ANKRD30A: variants seen among roughly 807,000 people sequenced by gnomAD.
ANKRD30A encodes the protein ankyrin repeat domain 30A, also known as ankyrin repeat domain-containing protein 30A.
In ANKRD30A, 170 loss-of-function variants were observed where a neutral mutation model predicts 166.3. The observed-to-expected ratio is 1.02, with a 90% confidence interval of 0.90 to 1.16. The LOEUF is 1.16. Among genes scored for constraint, ANKRD30A ranks in the 50% most tolerant of loss-of-function variants. The pLI, the probability that ANKRD30A is intolerant of heterozygous loss-of-function variation, is 0.00. For synonymous variants in ANKRD30A, 564 were observed against 508.9 expected, an observed-to-expected ratio of 1.11 and a Z score of -1.46; for missense variants, 1,630 against 1,518.0, an observed-to-expected ratio of 1.07 and a Z score of -1.23.
intron 19 of ANKRD30A, among the ~76,000 whole-genome samples, chr10:37,168,097 T>G (rs1426577222): frequency 9.6e-5 from 1 of 10,464 alleles, no homozygotes; most frequent in Non-Finnish European, 1.9e-4. Flanking sequence ...ATATAAATGG[T>G]TGTACAATGT....
chr10:37,195,750 C>T (rs757075097), intron 27 of ANKRD30A, among the ~76,000 whole-genome samples: 11 of 152,058 alleles, frequency 7.2e-5, no homozygotes, highest in Non-Finnish European at 1.0e-4. Flanking sequence ...AAAAATTAGC[C>T]GGACGTGGTG....
intron 34 of ANKRD30A, among the ~76,000 whole-genome samples, chr10:37,228,084 A>G (rs999978825): frequency 9.2e-5 from 14 of 152,112 alleles, no homozygotes; most frequent in South Asian, 2.1e-4. Flanking sequence ...ATGCACAGCT[A>G]TATTTTATAG....
downstream of ANKRD30A, among the ~76,000 whole-genome samples, chr10:37,237,098 C>G (rs1843701761): frequency 6.6e-6 from 1 of 152,170 alleles, no homozygotes; most frequent in African/African-American, 2.4e-5. Context: ...GACAGTTTTA[C>G]CATATGCATG....
At chr10:37,160,794 G>A (rs1838788679) in intron 15 of ANKRD30A, among the ~76,000 whole-genome samples, 1 of 152,078 alleles carries the variant, frequency 6.6e-6, no homozygotes, top group African/African-American at 2.4e-5. Flanking sequence ...CATATAAATT[G>A]TGAAAATTCT....
In ANKRD30A at chr10:37,193,255, G is replaced by A. The variant is rs1204035274; in HGVS notation, c.2611G>A (p.Ala871Thr). ...ATTGATGGACATGCAAACTTTCAAA[G>A]CAGGTAAATTTTGTAATTTTAATTT... The part of the protein sequence containing the change: ...LELMDMQTFK[A>T]EPPEKPSAFE... The change falls in exon 27 of 36, where the codon GCA becomes ACA. Residue 871 changes from alanine (A) to threonine (T), a missense_variant. Ala to Thr is a moderately conservative substitution (Grantham distance 58). Coordinates refer to ENST00000361713, the MANE Select transcript of ANKRD30A (RefSeq NM_052997.3). 8.5e-6 allele frequency: 13 copies of A among 1,534,692 alleles called. No individual in the cohort carries two copies. The South Asian group carries it at 1.1e-4, about 13-fold the overall frequency.
In ANKRD30A at chr10:37,132,319, A is replaced by T. The variant is rs1474930280; in HGVS notation, c.590A>T (p.Asn197Ile). The T allele has an allele frequency of 1.9e-6, 3 of 1,601,902 alleles. No individual in the cohort carries two copies. Among genetic ancestry groups the T allele is most frequent in the Non-Finnish European group, 2.6e-6 (3 of 1,173,606 alleles). Reference protein sequence around the residue: ...IVEFLLIKNANANAVNKYKCT... With the variant: ...IVEFLLIKNAIANAVNKYKCT... Reference sequence around the variant, plus strand: ...GAATTTTTGCTGATAAAAAATGCAAATGCGAATGCAGTTAATAAGTATAAA... The same window carrying T: ...GAATTTTTGCTGATAAAAAATGCAATTGCGAATGCAGTTAATAAGTATAAA... The change falls in exon 4 of 36, where the codon AAT becomes ATT. Residue 197 changes from asparagine (N) to isoleucine (I), a missense_variant. This residue lies in a region of ANKRD30A where 904 missense variants were observed against 818.5 expected (regional missense o/e 1.10). Transcript: ENST00000361713.
downstream of ANKRD30A, chr10:37,232,707 G>GAGAGAGAGAGAGAGAGAGAC (rs1843495081): frequency 1.2e-5 from 1 of 86,468 alleles, no homozygotes; most frequent in African/African-American, 4.0e-5. Flanking sequence ...TAGAGAGAGA[G>GAGAGAGAGAGAGAGAGAGAC]AGAGAGAGAG....
the ANKRD30A span, among the ~76,000 whole-genome samples, chr10:37,252,607 A>G: frequency 6.6e-6 from 1 of 151,496 alleles, no homozygotes; most frequent in Admixed American, 6.6e-5. Context: ...TTTCCTCTGA[A>G]GTTATCTTTT....
At chr10:37,166,050 C>A (rs910703132) in intron 18 of ANKRD30A, among the ~76,000 whole-genome samples, 1 of 152,074 alleles carries the variant, frequency 6.6e-6, no homozygotes, top group Non-Finnish European at 1.5e-5. Flanking sequence ...AAAATTTTGT[C>A]AGAAACATGT....
intron 27 of ANKRD30A, among the ~76,000 whole-genome samples, chr10:37,195,751 G>C (rs1024916311): frequency 6.6e-6 from 1 of 152,060 alleles, no homozygotes; most frequent in Admixed American, 6.6e-5. Flanking sequence ...AAAATTAGCC[G>C]GACGTGGTGG....
At chr10:37,132,102 A>G (rs1836411698) in intron 3 of ANKRD30A, 138 bp from the exon 4 acceptor site, 1 of 516,942 alleles carries the variant, frequency 1.9e-6, no homozygotes, top group African/African-American at 2.0e-5. Flanking sequence ...GAAAGCACAG[A>G]AAAGGGAGAA....
intron 17 of ANKRD30A, among the ~76,000 whole-genome samples, 166 bp from the exon 18 acceptor site, chr10:37,164,927 AT>A: frequency 6.6e-6 from 1 of 152,086 alleles, no homozygotes; most frequent in Non-Finnish European, 1.5e-5. Context: ...TTAGATTTCA[AT>A]TCTTTTGGAA....
At position 37,132,231 on chromosome 10, in the gene ANKRD30A, AT is replaced by A; in HGVS notation, c.511-5del. On this transcript the variant is annotated splice_region_variant and splice_polypyrimidine_tract_variant and intron_variant, in intron 3 of 35. Coordinates refer to ENST00000361713, the MANE Select transcript of ANKRD30A (RefSeq NM_052997.3). Reference sequence around the variant, plus strand: ...TTCATGAATTATAAATTGTTTTGCTATTTTACAGGCTAGCCTCACACCACTT... The same window carrying A: ...TTCATGAATTATAAATTGTTTTGCTATTTACAGGCTAGCCTCACACCACTT... 1.3e-6 allele frequency: 2 copies of A among 1,549,054 alleles called. No homozygotes were observed. The highest frequency in any genetic ancestry group is 1.7e-6 in the Non-Finnish European group (2 of 1,145,292).
rs1259646188 is a variant in ANKRD30A at position 37,192,936 on chromosome 10, C to CA, written c.2513-124dup. ...ACAAATACAGTAACCCAAAAGACCC[C>CA]AAAAGCTAGTGTAATCCCTTTTGCA... On this transcript the variant is annotated intron_variant, in intron 25 of 35. Transcript: ENST00000361713. 4.0e-5 allele frequency: 59 copies of CA among 1,474,872 alleles called. No homozygotes were observed. In the East Asian group the frequency reaches 1.3e-3, roughly 33 times the overall value. The allele number at this position is 1,474,872 out of a possible 1,614,324, so 91.4% of individuals were successfully genotyped here.
At chr10:37,258,124 A>C in the ANKRD30A span, among the ~76,000 whole-genome samples, 1 of 152,354 alleles carries the variant, frequency 6.6e-6, no homozygotes, top group Non-Finnish European at 1.5e-5. Flanking sequence ...CCAGAACTTA[A>C]AGTAAAATTT....
intron 34 of ANKRD30A, among the ~76,000 whole-genome samples, chr10:37,226,695 T>G (rs1843170361): frequency 6.6e-6 from 1 of 151,892 alleles, no homozygotes; most frequent in African/African-American, 2.4e-5. Context: ...TTTTCATGTC[T>G]CTTGGGTGTA....
intron 27 of ANKRD30A, among the ~76,000 whole-genome samples, chr10:37,195,181 G>A (rs1359491939): frequency 6.6e-6 from 1 of 152,168 alleles, no homozygotes; most frequent in Non-Finnish European, 1.5e-5. Context: ...GTTTTAAAGT[G>A]CCAAATAACA....
intron 34 of ANKRD30A, among the ~76,000 whole-genome samples, chr10:37,229,923 G>T (rs1843340598): frequency 6.6e-6 from 1 of 151,800 alleles, no homozygotes; most frequent in South Asian, 2.1e-4. Flanking sequence ...GTCACCTCAA[G>T]CTTTTATCCA....
chr10:37,132,253 CA>C lies in ANKRD30A; in HGVS notation c.525del (p.Leu176PhefsTer5), dbSNP rs771253918. 72 of 1,590,568 alleles carry C rather than the reference CA, an allele frequency of 4.5e-5. No individual in the cohort carries two copies. Among genetic ancestry groups the C allele is most frequent in the South Asian group, 4.0e-4 (34 of 84,556 alleles). Reference protein sequence around the residue: ...IEVHNKASLTPLLLSITKRSE... With the variant: ...IEVHNKASLTXLLLSITKRSE... The stretch of plus-strand genomic sequence containing the variant: ...GCTATTTTACAGGCTAGCCTCACAC[CA>C]CTTTTACTATCCATAACGAAAAGAA... On this transcript the variant is annotated frameshift_variant, in exon 4 of 36. Transcript: ENST00000361713. LOFTEE classifies it high-confidence loss of function.
Sources: allele counts gnomAD v4.1 joint callset (sites outside exome capture counted in the v4.1 genomes callset), GRCh38; gene constraint gnomAD v4.1.1; regional missense constraint gnomAD v4.1.1; transcripts MANE v1.5; gene names NCBI Gene and HGNC (gene_info 2026-07-23, HGNC 2026-07-21).